Variants in CSRNP1 observed in about 807,000 individuals in gnomAD.
CSRNP1 encodes the protein cysteine and serine rich nuclear protein 1.
CSRNP1 carries 8 observed loss-of-function variants against 25.0 expected under a neutral mutation model. The ratio of observed to expected loss-of-function variants is 0.32; its 90% confidence interval spans 0.19 to 0.58. The LOEUF (loss-of-function observed/expected upper bound fraction) is 0.58. Among genes scored for constraint, CSRNP1 ranks in the 20% least tolerant of loss-of-function variants. CSRNP1 has a pLI of 0.88. For synonymous variants in CSRNP1, 305 were observed against 303.1 expected (o/e 1.01, Z -0.06); for missense variants, 691 against 773.1 (o/e 0.89, Z 1.26).
In CSRNP1 at chr3:39,144,986, ACTCT is replaced by A; in HGVS notation, c.465+7_465+10del. 5 of 1,592,886 alleles carry A rather than the reference ACTCT, an allele frequency of 3.1e-6. No individual in the cohort carries two copies. The highest frequency in any genetic ancestry group is 1.7e-5 in the Admixed American group (1 of 58,766). On this transcript the variant is annotated splice_region_variant and intron_variant, in intron 3 of 4. Coordinates refer to ENST00000273153, the MANE Select transcript of CSRNP1 (RefSeq NM_033027.4). ...CCTCAGGAGGTGCGCCACGGAGAGG[ACTCT>A]CTCTACCTTCCACTGCAGCATCTCC... is the stretch of plus-strand genomic sequence containing the variant.
In CSRNP1 at chr3:39,143,577, G is replaced by A. The variant is rs771427033; in HGVS notation, c.1248C>T (p.Asn416=). ...EEEEEEGSVG[N]LDNLSCFHPA... is the part of the protein sequence containing the mutation. ...GATGGAAGCAGCTGAGGTTGTCCAG[G>A]TTCCCCACGCTCCCTTCCTCCTCTT... Residue 416 remains asparagine, a synonymous_variant, in exon 5 of 5, where the codon AAC becomes AAT. Transcript: ENST00000273153. The A allele has an allele frequency of 1.9e-6, 3 of 1,614,064 alleles. No homozygotes were observed. Among genetic ancestry groups the A allele is most frequent in the African/African-American group, 2.7e-5 (2 of 74,924 alleles).
In CSRNP1 at chr3:39,143,632, C is replaced by T. The variant is rs1281789075; in HGVS notation, c.1193G>A (p.Ser398Asn). Residue 398 changes from serine to asparagine, a missense_variant, in exon 5 of 5, where the codon AGT becomes AAT. Coordinates refer to ENST00000273153, the MANE Select transcript of CSRNP1 (RefSeq NM_033027.4). ...DDSLARILSF[S>N]DSDFGGEEEE... ...CTCCTCCCCACCGAAGTCAGAGTCA[C>T]TGAAACTCAAGATGCGTGCCAGGCT... is the stretch of plus-strand genomic sequence containing the variant. The T allele has an allele frequency of 8.1e-6, 13 of 1,614,086 alleles. No homozygotes were observed. Among genetic ancestry groups the T allele is most frequent in the Admixed American group, 1.7e-5 (1 of 60,014 alleles).
intron 3 of CSRNP1, among the ~76,000 whole-genome samples, chr3:39,144,660 T>C (rs914482305): frequency 6.0e-5 from 9 of 150,662 alleles, no homozygotes; most frequent in African/African-American, 2.0e-4. Flanking sequence ...ATCCTACTCA[T>C]GGCATTCCCT....
At chr3:39,151,907 A>G in intron 1 of CSRNP1, 1 of 152,458 alleles carries the variant, frequency 6.6e-6, no homozygotes, top group Non-Finnish European at 1.5e-5. Flanking sequence ...TGCAGAAGGG[A>G]AACTGCACCT....
At position 39,144,144 on chromosome 3, in the gene CSRNP1, T is replaced by C. The variant is rs1289587036; in HGVS notation, c.773A>G (p.Lys258Arg). ...CCAGTCCAGCCACCACACCTGGCAC[T>C]TGATGCCTGCCAGGCTGCAGCTGCA... ...ETCSCSLAGI[K>R]CQMDHTAFPC... The change falls in exon 4 of 5, where the codon AAG (lysine) becomes AGG (arginine). Residue 258 changes from lysine to arginine, a missense_variant. By Grantham distance (26) the Lys-to-Arg change is conservative (BLOSUM62 2). Coordinates refer to ENST00000273153, the MANE Select transcript of CSRNP1 (RefSeq NM_033027.4). 3.7e-6 allele frequency: 6 copies of C among 1,612,396 alleles called. No homozygotes were observed. The highest frequency in any genetic ancestry group is 4.2e-6 in the Non-Finnish European group (5 of 1,178,890).
Position 39,153,427 on chromosome 3 carries a change from T to A in CSRNP1, c.-41+11A>T. 1 of 311,444 alleles carries A rather than the reference T, an allele frequency of 3.2e-6. No individual in the cohort carries two copies. The highest frequency in any genetic ancestry group is 6.7e-6 in the Non-Finnish European group (1 of 149,860). 19.3% of individuals were successfully genotyped at this position (311,444 alleles called of 1,614,324 possible). On this transcript the variant is annotated intron_variant, in intron 1 of 4. Transcript: ENST00000273153. ...CCCGTCCTGCCGGGCCCGAGGCCCC[T>A]CGGCGCTCACCTGCAATCCGGACGC...
chr3:39,145,153 C>T lies in CSRNP1; in HGVS notation c.309G>A (p.Val103=), dbSNP rs894592501. 6.2e-7 allele frequency: 1 copy of T among 1,614,280 alleles called. No individual in the cohort carries two copies. The change falls in exon 3 of 5, where the codon GTG becomes GTA. Residue 103 remains valine, a synonymous_variant. Transcript: ENST00000273153. The part of the protein sequence containing the change: ...YFPRCQGFTS[V]PSRGGCTLGM... ...CCAGAGTACAGCCACCACGGCTGGG[C>T]ACACTGGTGAAGCCCTGGCAGCGGG...
rs1559730190 is a variant in CSRNP1, at chr3:39,143,593, T to TC, written c.1231dup (p.Glu411GlyfsTer17). ...GTTGTCCAGGTTCCCCACGCTCCCT[T>TC]CCTCCTCTTCCTCCTCCTCCCCACC... On this transcript the variant is annotated frameshift_variant, in exon 5 of 5. Coordinates refer to ENST00000273153, the MANE Select transcript of CSRNP1 (RefSeq NM_033027.4). LOFTEE classifies it low-confidence loss of function (END_TRUNC). 2 of 1,613,592 alleles carry TC rather than the reference T, an allele frequency of 1.2e-6. No individual in the cohort carries two copies. The highest frequency in any genetic ancestry group is 1.7e-5 in the Admixed American group (1 of 59,998).
At chr3:39,144,559 G>T in intron 3 of CSRNP1, 108 bp from the exon 4 acceptor site, 1 of 1,100,020 alleles carries the variant, frequency 9.1e-7, no homozygotes, top group Non-Finnish European at 1.3e-6. Context: ...CACTACTCGT[G>T]CTTAATCTGC....
intron 1 of CSRNP1, chr3:39,149,568 A>AT (rs1357105912): frequency 6.6e-6 from 1 of 152,106 alleles, no homozygotes; most frequent in Non-Finnish European, 1.5e-5. Flanking sequence ...GCCATTCTTG[A>AT]TCCTGCAGCC....
chr3:39,144,937 T>C, intron 3 of CSRNP1, 60 bp downstream of exon 3: 1 of 1,296,292 alleles, frequency 7.7e-7, no homozygotes, highest in Non-Finnish European at 1.1e-6. Flanking sequence ...CGCCCACCCC[T>C]CAAGGTTAGG....
chr3:39,149,313 A>T (rs1207243204), intron 1 of CSRNP1: 2 of 152,184 alleles, frequency 1.3e-5, no homozygotes, highest in African/African-American at 2.4e-5. Flanking sequence ...GGAGAGAGTC[A>T]TGAGGGAAAT....
Position 39,145,073 on chromosome 3 carries a change from T to C in CSRNP1, c.389A>G (p.Gln130Arg), listed in dbSNP as rs776192489. The change falls in exon 3 of 5, where the codon CAG becomes CGG. Residue 130 changes from glutamine (Q) to arginine (R), a missense_variant. Transcript: ENST00000273153. Reference protein sequence around the residue: ...CRRFSLAEFAQEQARARHEKL... With the variant: ...CRRFSLAEFAREQARARHEKL... ...CTCGTGCCGTGCACGGGCTTGCTCC[T>C]GCGCAAACTCAGCCAAAGAGAAGCG... is the stretch of plus-strand genomic sequence containing the variant. 1 of 1,614,268 alleles carries C rather than the reference T, an allele frequency of 6.2e-7. No homozygotes were observed.
intron 1 of CSRNP1, chr3:39,151,372 A>G (rs1009065762): frequency 6.5e-6 from 1 of 152,708 alleles, no homozygotes; most frequent in East Asian, 1.9e-4. Context: ...ACAGTTATCC[A>G]CACGCTCAGG....
At chr3:39,146,373 G>A (rs2039510833) in intron 2 of CSRNP1, 105 bp downstream of exon 2, 5 of 1,369,762 alleles carry the variant, frequency 3.7e-6, no homozygotes, top group Non-Finnish European at 4.9e-6. Flanking sequence ...TACCGCCATG[G>A]GGACCTAACC....
In CSRNP1 at chr3:39,142,915, T is replaced by C; in HGVS notation, c.*140A>G. ...AAACAAATAAATAAATCCAGAGAATTGTTTGAAAACCAGGAGTGTGCACAT... is the reference window on the plus strand; with the variant it reads ...AAACAAATAAATAAATCCAGAGAATCGTTTGAAAACCAGGAGTGTGCACAT... On this transcript the variant is annotated 3_prime_UTR_variant, in exon 5 of 5. Coordinates refer to ENST00000273153, the MANE Select transcript of CSRNP1 (RefSeq NM_033027.4). The C allele has an allele frequency of 2.1e-6, 2 of 935,514 alleles. No individual in the cohort carries two copies. Among genetic ancestry groups the C allele is most frequent in the South Asian group, 1.9e-5 (1 of 53,520 alleles). The allele number at this position is 935,514 out of a possible 1,614,324, so 58.0% of individuals were successfully genotyped here. A position where few individuals can be genotyped will look rare whatever the true frequency, so the allele number is the denominator to read the frequency against.
In CSRNP1 at chr3:39,148,527, C is replaced by G. The variant is rs143585432; in HGVS notation, c.-40-1805G>C. ...ATCCAGCCTGAGATCCCCCAGGACC[C>G]ACTGCCCACTTGTTATCTCCGCCCA... On this transcript the variant is annotated intron_variant, in intron 1 of 4. Transcript: ENST00000273153. 371 of 152,614 alleles carry G rather than the reference C, an allele frequency of 2.4e-3. 1 individual carries two copies. Among genetic ancestry groups the G allele is most frequent in the Admixed American group, 5.3e-3 (81 of 15,298 alleles). The allele number at this position is 152,614 out of a possible 1,614,324, so 9.5% of individuals were successfully genotyped here. A position where few individuals can be genotyped will look rare whatever the true frequency, so the allele number is the denominator to read the frequency against.
upstream of CSRNP1, chr3:39,153,825 C>T (rs1451489418): frequency 1.3e-5 from 2 of 151,998 alleles, no homozygotes; most frequent in African/African-American, 4.8e-5. Flanking sequence ...CCCGCCAGCG[C>T]CCTCCCCGCC....
chr3:39,145,366 C>T, intron 2 of CSRNP1, 110 bp from the exon 3 acceptor site: 1 of 1,298,118 alleles, frequency 7.7e-7, no homozygotes, highest in Non-Finnish European at 1.0e-6. Context: ...TCCCTCCTCC[C>T]TCTCCACCCA....
Sources: gnomAD v4.1 joint callset for allele counts (sites outside exome capture counted in the v4.1 genomes callset) on GRCh38, gnomAD v4.1.1 for gene constraint, MANE v1.5 for transcripts, NCBI Gene and HGNC (gene_info 2026-07-23, HGNC 2026-07-21) for gene names.